The following EYS variants were observed in gnomAD, a reference collection of about 807,000 sequenced individuals.
The protein encoded by EYS is EGF-like photoreceptor maintenance factor, also known as protein eyes shut homolog.
Under a neutral mutation model 282.1 loss-of-function variants are expected in EYS, and 250 were observed. That is an observed-to-expected ratio of 0.89 (90% CI 0.80 to 0.98). EYS has a LOEUF of 0.98. Among genes scored for constraint, EYS ranks in the 50% least tolerant of loss-of-function variants. The pLI, the probability that EYS is intolerant of heterozygous loss-of-function variation, is 0.00. For missense variants in EYS, 4,016 were observed against 3,709.0 expected (o/e 1.08, Z -2.15); for synonymous variants, 1,355 against 1,282.9 (o/e 1.06, Z -1.20).
intron 2 of EYS, among the ~76,000 whole-genome samples, chr6:65,583,932 T>C (rs1764952739): frequency 6.6e-6 from 1 of 151,458 alleles, no homozygotes; most frequent in South Asian, 2.1e-4. Flanking sequence ...ATGTATCTTA[T>C]GACCTAACAT....
chr6:64,296,056 TTTAA>T (rs1488780230), intron 30 of EYS, among the ~76,000 whole-genome samples: 1 of 152,224 alleles, frequency 6.6e-6, no homozygotes, highest in Non-Finnish European at 1.5e-5. Flanking sequence ...TGAATGTTAA[TTTAA>T]TTGAGTATAA....
chr6:64,529,046 G>C (rs1051618439), intron 26 of EYS, among the ~76,000 whole-genome samples: 1 of 152,020 alleles, frequency 6.6e-6, no homozygotes, highest in African/African-American at 2.4e-5. Context: ...TCCTAAAACG[G>C]TTTATATGTA....
At chr6:64,612,037 C>G (rs1002902107) in intron 24 of EYS, among the ~76,000 whole-genome samples, 5 of 151,896 alleles carry the variant, frequency 3.3e-5, no homozygotes, top group Admixed American at 2.0e-4. Flanking sequence ...AAAATAAAGA[C>G]CAGAAACATA....
chr6:64,306,317 T>C (rs972410399), intron 30 of EYS, among the ~76,000 whole-genome samples: 7 of 152,258 alleles, frequency 4.6e-5, no homozygotes, highest in Non-Finnish European at 7.4e-5. Context: ...CACCTCACCA[T>C]GCTATCTTAC....
intron 31 of EYS, among the ~76,000 whole-genome samples, chr6:64,181,364 A>T (rs934370373): frequency 3.9e-5 from 6 of 152,118 alleles, no homozygotes; most frequent in Non-Finnish European, 8.8e-5. Context: ...ATAAAAGCAG[A>T]TTATATGCTC....
intron 37 of EYS, chr6:63,797,956 G>T (rs1770686582): frequency 6.6e-6 from 1 of 152,266 alleles, no homozygotes; most frequent in South Asian, 2.1e-4. Context: ...GGTGAGACTA[G>T]AAAAAGTGGC....
chr6:64,447,981 T>C (rs551866653), intron 26 of EYS, among the ~76,000 whole-genome samples: 47 of 152,296 alleles, frequency 3.1e-4, no homozygotes, highest in Admixed American at 5.2e-4. Context: ...ACTTCCCTGA[T>C]TAAAAACATA....
chr6:63,864,115 C>T, intron 36 of EYS, 71 bp downstream of exon 36: 1 of 1,323,688 alleles, frequency 7.6e-7, no homozygotes, highest in Non-Finnish European at 1.0e-6. Context: ...ATCCTTGATT[C>T]ATCTGAGTGA....
intron 41 of EYS, among the ~76,000 whole-genome samples, chr6:63,727,686 C>T (rs1190017632): frequency 1.1e-5 from 1 of 89,746 alleles, no homozygotes; most frequent in Non-Finnish European, 2.0e-5. Flanking sequence ...GCCTGAGCAA[C>T]ATGGCGAAAC....
chr6:65,465,186 AGTTGTGGTGC>A (rs1476479887), intron 5 of EYS, among the ~76,000 whole-genome samples: 1 of 152,136 alleles, frequency 6.6e-6, no homozygotes, highest in Non-Finnish European at 1.5e-5. Flanking sequence ...AGCAGAAACC[AGTTGTGGTGC>A]TTCACGTCTG....
chr6:64,096,521 C>T (rs185486946), intron 31 of EYS, among the ~76,000 whole-genome samples: 112 of 152,198 alleles, frequency 7.4e-4, no homozygotes, highest in Non-Finnish European at 1.3e-3. Context: ...TCATTGATAC[C>T]CTTTCTTCCA....
rs138587368 is a variant in EYS, at chr6:65,137,121, A to C, written c.2024-79394T>G. ...AACCTTATAGAAGAGTCCAGATAAG[A>C]AAGTAAACATCCAGCAAATAATCAC... On this transcript the variant is annotated intron_variant, in intron 12 of 42. Transcript: ENST00000503581. 1.9e-3 allele frequency among the ~76,000 whole-genome samples: 289 copies of C among 152,258 alleles called. 7 individuals carry two copies. The highest frequency in any genetic ancestry group is 0.015 in the Admixed American group (230 of 15,268).
intron 1 of EYS, among the ~76,000 whole-genome samples, chr6:65,696,118 T>C (rs1029057745): frequency 6.6e-6 from 1 of 152,022 alleles, no homozygotes; most frequent in Non-Finnish European, 1.5e-5. Context: ...CTGCCTGCAG[T>C]AGTGTATACT....
At chr6:64,045,034 T>C (rs1280858046) in intron 33 of EYS, among the ~76,000 whole-genome samples, 1 of 152,134 alleles carries the variant, frequency 6.6e-6, no homozygotes, top group African/African-American at 2.4e-5. Flanking sequence ...ATCAATCCAG[T>C]GGAAAAGGAA....
At chr6:64,737,551 G>T (rs112751198) in intron 22 of EYS, among the ~76,000 whole-genome samples, 1,625 of 152,242 alleles carry the variant, frequency 0.011, 17 homozygotes, top group Non-Finnish European at 0.015. Flanking sequence ...CTTGGCATTT[G>T]GTGTAATTTC....
At chr6:65,077,931 T>C (rs2150169871) in intron 12 of EYS, among the ~76,000 whole-genome samples, 1 of 152,230 alleles carries the variant, frequency 6.6e-6, no homozygotes, top group African/African-American at 2.4e-5. Flanking sequence ...TTTCAGTTGT[T>C]GTATTCATAA....
intron 29 of EYS, among the ~76,000 whole-genome samples, chr6:64,341,788 A>C (rs1771123958): frequency 6.6e-6 from 1 of 151,612 alleles, no homozygotes; most frequent in South Asian, 2.1e-4. Context: ...TTCTCTAACC[A>C]CTTGCCCATT....
At chr6:65,382,074 GGTTATT>G (rs1278051141) in intron 8 of EYS, among the ~76,000 whole-genome samples, 1 of 151,602 alleles carries the variant, frequency 6.6e-6, no homozygotes, top group East Asian at 1.9e-4. Context: ...GGTAATCACT[GGTTATT>G]GTTGTCTTTT....
intron 12 of EYS, among the ~76,000 whole-genome samples, chr6:65,246,599 T>A (rs549432332): frequency 1.6e-4 from 24 of 152,138 alleles, no homozygotes; most frequent in Non-Finnish European, 2.9e-4. Context: ...ATTTTTTTCC[T>A]GTCTTTTTCC....
Sources: gnomAD v4.1 joint callset for allele counts (sites outside exome capture counted in the v4.1 genomes callset) on GRCh38, gnomAD v4.1.1 for gene constraint, MANE v1.5 for transcripts, NCBI Gene and HGNC (gene_info 2026-07-23, HGNC 2026-07-21) for gene names.